The following ITGAM variants were observed in gnomAD, a reference collection of about 807,000 sequenced individuals.
The protein encoded by ITGAM is integrin alpha-M.
Under a neutral mutation model 137.5 loss-of-function variants are expected in ITGAM, and 79 were observed. That is an observed-to-expected ratio of 0.57 (90% confidence interval 0.48 to 0.69). The LOEUF (loss-of-function observed/expected upper bound fraction) is 0.69, where lower values mean the gene tolerates loss of function less well. Ranked by LOEUF, ITGAM falls within the 30% of genes least tolerant of loss-of-function variation. The pLI is 0.00. For missense variants in ITGAM, 1,343 were observed against 1,483.5 expected (o/e 0.91, Z 1.56); for synonymous variants, 583 against 592.3 (o/e 0.98, Z 0.23).
In ITGAM at chr16:31,328,782, GTATT is replaced by G. The variant is rs1281712695; in HGVS notation, c.2793-444_2793-441del. 6.4e-3 allele frequency among the ~76,000 whole-genome samples: 639 copies of G among 100,036 alleles called. 12 individuals are homozygous for G. Among genetic ancestry groups the G allele is most frequent in the Middle Eastern group, 9.3e-3 (2 of 216 alleles). 65.6% of individuals were successfully genotyped at this position (100,036 alleles called of 152,430 possible). A position where few individuals can be genotyped will look rare whatever the true frequency, so the allele number is the denominator to read the frequency against. On this transcript the variant is annotated intron_variant, in intron 23 of 29. Coordinates refer to ENST00000544665, the MANE Select transcript of ITGAM (RefSeq NM_000632.4). ...TGTGCATGCGTGTGCGCATGGGTGT[GTATT>G]TGTGCATGTGTGTGTGTGAAGGTCT... is the stretch of plus-strand genomic sequence containing the variant.
At position 31,270,733 on chromosome 16, in the gene ITGAM, A is replaced by G. The variant is rs932223449; in HGVS notation, c.428-221A>G. ...TATATATATATATATATATATATAT[A>G]TATATATATATGTTTTTAACGTGTG... is the stretch of plus-strand genomic sequence containing the variant. On this transcript the variant is annotated intron_variant, in intron 5 of 29. Transcript: ENST00000544665. Among the ~76,000 whole-genome samples, 10 of 110,786 alleles carry G rather than the reference A, an allele frequency of 9.0e-5. 1 individual carries two copies. Among genetic ancestry groups the G allele is most frequent in the South Asian group, 5.0e-4 (2 of 3,986 alleles). The allele number at this position is 110,786 out of a possible 152,430, so 72.7% of individuals were successfully genotyped here. A position where few individuals can be genotyped will look rare whatever the true frequency, so the allele number is the denominator to read the frequency against.
At chr16:31,267,574 C>T (rs2079783368) in intron 5 of ITGAM, among the ~76,000 whole-genome samples, 2 of 152,194 alleles carry the variant, frequency 1.3e-5, no homozygotes, top group South Asian at 4.1e-4. Flanking sequence ...CCTGTCTCTC[C>T]TCTGTCCCAT....
chr16:31,329,134 T>G (rs534554643), intron 23 of ITGAM, 94 bp from the exon 24 acceptor site: 2 of 486,810 alleles, frequency 4.1e-6, no homozygotes, highest in South Asian at 3.1e-5. Flanking sequence ...CCATTACCCA[T>G]GTGCCTGTTC....
At chr16:31,290,919 CTATAA>C (rs2080080769) in intron 12 of ITGAM, among the ~76,000 whole-genome samples, 1 of 151,828 alleles carries the variant, frequency 6.6e-6, no homozygotes, top group African/African-American at 2.4e-5. Flanking sequence ...AGTTTTATTT[CTATAA>C]TATAATTGAA....
At chr16:31,272,179 G>A (rs2079848473) in intron 7 of ITGAM, among the ~76,000 whole-genome samples, 187 bp downstream of exon 7, 1 of 151,644 alleles carries the variant, frequency 6.6e-6, no homozygotes, top group African/African-American at 2.4e-5. Context: ...GTGGAGTGGG[G>A]AAGTGAGGGA....
intron 12 of ITGAM, among the ~76,000 whole-genome samples, chr16:31,288,434 AG>A (rs2080051627): frequency 6.6e-6 from 1 of 152,158 alleles, no homozygotes; most frequent in African/African-American, 2.4e-5. Flanking sequence ...AACAGAACAG[AG>A]CCCTCAGAAA....
chr16:31,292,291 G>A (rs565038167), intron 12 of ITGAM, among the ~76,000 whole-genome samples: 2 of 151,954 alleles, frequency 1.3e-5, no homozygotes, highest in East Asian at 3.9e-4. Context: ...AGGTTTGAGG[G>A]TACACATGAA....
chr16:31,270,699 G>GTATATATA lies in ITGAM; in HGVS notation c.428-217_428-210dup, dbSNP rs869206231. Among the ~76,000 whole-genome samples, 143 of 25,944 alleles carry GTATATATA rather than the reference G, an allele frequency of 5.5e-3. 4 individuals carry two copies. Among genetic ancestry groups the GTATATATA allele is most frequent in the Non-Finnish European group, 5.9e-3 (75 of 12,816 alleles). The allele number at this position is 25,944 out of a possible 152,430, so 17.0% of individuals were successfully genotyped here. A position where few individuals can be genotyped will look rare whatever the true frequency, so the allele number is the denominator to read the frequency against. ...TGACTAATTTTTAACGTGTGTGTGTGTATATATATATATATATATATATAT... is the reference window on the plus strand; with the variant it reads ...TGACTAATTTTTAACGTGTGTGTGTGTATATATATATATATATATATATATATATATAT... On this transcript the variant is annotated intron_variant, in intron 5 of 29. Transcript: ENST00000544665.
At chr16:31,260,357 C>T (rs1472597062) in intron 1 of ITGAM, among the ~76,000 whole-genome samples, 1 of 152,110 alleles carries the variant, frequency 6.6e-6, no homozygotes, top group Non-Finnish European at 1.5e-5. Context: ...GACGGAGGCC[C>T]AGGGAGGAGA....
At chr16:31,267,300 A>AT (rs909885730) in intron 5 of ITGAM, among the ~76,000 whole-genome samples, 24 of 151,214 alleles carry the variant, frequency 1.6e-4, no homozygotes, top group Non-Finnish European at 1.0e-4. Flanking sequence ...TCTCCCTTGC[A>AT]TTTTTTTTCT....
rs199605341 is a variant in ITGAM, at chr16:31,273,734, C to G, written c.858+216C>G. The G allele has an allele frequency of 6.6e-4, 297 of 452,996 alleles. 1 individual carries two copies. In the East Asian group the frequency reaches 0.012, roughly 18 times the overall value. The allele number at this position is 452,996 out of a possible 1,614,324, so 28.1% of individuals were successfully genotyped here. On this transcript the variant is annotated intron_variant, in intron 8 of 29. Transcript: ENST00000544665. ...AATAATAAGTAAGCCTGTGGGTCAGCCTGCCAAGAGTTCTGGTCTCAATGG... is the reference window on the plus strand; with the variant it reads ...AATAATAAGTAAGCCTGTGGGTCAGGCTGCCAAGAGTTCTGGTCTCAATGG...
At chr16:31,299,587 G>A (rs532793084) in intron 14 of ITGAM, among the ~76,000 whole-genome samples, 1 of 152,250 alleles carries the variant, frequency 6.6e-6, no homozygotes, top group East Asian at 1.9e-4. Flanking sequence ...GGGATTACAG[G>A]TGTGAGCCAC....
intron 14 of ITGAM, among the ~76,000 whole-genome samples, chr16:31,300,053 G>T (rs73534420): frequency 0.18 from 27,000 of 151,840 alleles, 3,031 homozygotes; most frequent in African/African-American, 0.31. Context: ...TAGAGATGGG[G>T]TCTCCCTATG....
chr16:31,285,946 A>T (rs2080025268), intron 12 of ITGAM, among the ~76,000 whole-genome samples: 1 of 152,064 alleles, frequency 6.6e-6, no homozygotes, highest in South Asian at 2.1e-4. Context: ...TGCTGAGATT[A>T]CAGGTGTGAA....
intron 2 of ITGAM, among the ~76,000 whole-genome samples, chr16:31,263,131 G>T (rs1005033408): frequency 1.3e-5 from 2 of 152,040 alleles, no homozygotes; most frequent in African/African-American, 4.8e-5. Flanking sequence ...TGTAGAGACA[G>T]GGTTTCACCA....
At chr16:31,263,945 C>T (rs2079734750) in intron 2 of ITGAM, among the ~76,000 whole-genome samples, 1 of 151,614 alleles carries the variant, frequency 6.6e-6, no homozygotes, top group South Asian at 2.1e-4. Context: ...AAGCGATTCT[C>T]CTGCCTCAGC....
intron 1 of ITGAM, among the ~76,000 whole-genome samples, chr16:31,260,871 A>C (rs2144239726): frequency 6.6e-6 from 1 of 152,338 alleles, no homozygotes; most frequent in African/African-American, 2.4e-5. Flanking sequence ...GATAGGGAGC[A>C]CCACCCCCAA....
intron 14 of ITGAM, among the ~76,000 whole-genome samples, chr16:31,305,001 T>C (rs2144412346): frequency 6.6e-6 from 1 of 152,186 alleles, no homozygotes. Context: ...ATGTGAAAAA[T>C]GATGTTGGTA....
chr16:31,315,753 C>A (rs2080384880), intron 14 of ITGAM, among the ~76,000 whole-genome samples: 1 of 152,080 alleles, frequency 6.6e-6, no homozygotes, highest in Admixed American at 6.6e-5. Context: ...GCCACTGCAC[C>A]CGGCCCAGCA....
Sources: allele counts gnomAD v4.1 joint callset (sites outside exome capture counted in the v4.1 genomes callset), GRCh38; gene constraint gnomAD v4.1.1; transcripts MANE v1.5; gene names NCBI Gene and HGNC (gene_info 2026-07-23, HGNC 2026-07-21).